GTF2A1L: variants seen among roughly 807,000 people sequenced by gnomAD.
The protein encoded by GTF2A1L is TFIIA-alpha and beta-like factor.
In GTF2A1L, 48 loss-of-function variants were observed where a neutral mutation model predicts 49.7. That is an observed-to-expected ratio of 0.97 (90% CI 0.77 to 1.23). The LOEUF (loss-of-function observed/expected upper bound fraction) is 1.23, where lower values mean the gene tolerates loss of function less well. Ranked by LOEUF, GTF2A1L falls within the 50% of genes most tolerant of loss-of-function variation. The pLI is 0.00. For missense variants in GTF2A1L, 736 were observed against 564.8 expected (o/e 1.30, Z -3.07); for synonymous variants, 246 against 193.5 (o/e 1.27, Z -2.25).
chr2:48,636,363 C>G (rs1463681656), intron 3 of GTF2A1L, among the ~76,000 whole-genome samples: 1 of 152,036 alleles, frequency 6.6e-6, no homozygotes, highest in Non-Finnish European at 1.5e-5. Flanking sequence ...TATAATAATT[C>G]TTAGATTATG....
chr2:48,621,340 C>A (rs1421985734), intron 3 of GTF2A1L, 50 bp downstream of exon 3: 1 of 1,611,794 alleles, frequency 6.2e-7, no homozygotes, highest in African/African-American at 1.3e-5. Flanking sequence ...AGAACAAATT[C>A]TCATTTGGGA....
At chr2:48,621,099 A>G (rs1675971103) in intron 2 of GTF2A1L, 68 bp from the exon 3 acceptor site, 1 of 1,537,944 alleles carries the variant, frequency 6.5e-7, no homozygotes, top group South Asian at 1.3e-5. Flanking sequence ...AAGAAACTGA[A>G]AAAAAGAGAA....
At position 48,671,409 on chromosome 2, in the gene GTF2A1L, G is replaced by T. The variant is rs184032019; in HGVS notation, c.1240-182G>T. Reference sequence around the variant, plus strand: ...AGTAGAGATGGGATTTCACCATGTTGCCCAAGTAAGTCTTGAACTCCTGGC... The same window carrying T: ...AGTAGAGATGGGATTTCACCATGTTTCCCAAGTAAGTCTTGAACTCCTGGC... On this transcript the variant is annotated intron_variant, in intron 7 of 8. Coordinates refer to ENST00000403751, the MANE Select transcript of GTF2A1L (RefSeq NM_006872.5). Among the ~76,000 whole-genome samples the T allele has an allele frequency of 2.0e-3, 303 of 152,080 alleles. 1 individual carries two copies. Among genetic ancestry groups the T allele is most frequent in the Admixed American group, 3.8e-3 (58 of 15,260 alleles).
In GTF2A1L at chr2:48,672,385, A is replaced by G. The variant is rs182324263; in HGVS notation, c.1329+705A>G. 2.0e-5 allele frequency among the ~76,000 whole-genome samples: 3 copies of G among 152,250 alleles called. No individual in the cohort carries two copies. The East Asian group carries it at 5.8e-4, about 29-fold the overall frequency. ...TTAGAATATCCTGAATGCTAGTAGG[A>G]AAAATCTGAACTTGGTCTGAGGGAC... On this transcript the variant is annotated intron_variant, in intron 8 of 8. Transcript: ENST00000403751.
At chr2:48,677,682 A>G (rs1330059848) in intron 8 of GTF2A1L, among the ~76,000 whole-genome samples, 1 of 151,964 alleles carries the variant, frequency 6.6e-6, no homozygotes, top group Non-Finnish European at 1.5e-5. Context: ...AAGGGTAAAA[A>G]CAGGAACTAG....
chr2:48,667,996 C>G (rs2056582), intron 6 of GTF2A1L, among the ~76,000 whole-genome samples: 5,956 of 152,172 alleles, frequency 0.039, 379 homozygotes, highest in African/African-American at 0.14. Context: ...CTGCAAATTC[C>G]CAAGACTTTC....
At chr2:48,660,784 G>A (rs893148962) in intron 6 of GTF2A1L, among the ~76,000 whole-genome samples, 1 of 152,056 alleles carries the variant, frequency 6.6e-6, no homozygotes, top group African/African-American at 2.4e-5. Flanking sequence ...GGGATTGCAG[G>A]TGTGCTCTAC....
intron 3 of GTF2A1L, chr2:48,632,724 T>C (rs1395686451): frequency 6.2e-6 from 1 of 161,708 alleles, no homozygotes; most frequent in African/African-American, 2.4e-5. Context: ...AAAGATATAA[T>C]GGTCGAAATA....
intron 6 of GTF2A1L, among the ~76,000 whole-genome samples, chr2:48,667,667 G>C (rs897786239): frequency 6.6e-6 from 1 of 152,028 alleles, no homozygotes; most frequent in African/African-American, 2.4e-5. Flanking sequence ...TTCCAATGTA[G>C]TAAAAATTAA....
intron 7 of GTF2A1L, among the ~76,000 whole-genome samples, chr2:48,671,362 C>G (rs771287001): frequency 6.6e-6 from 1 of 151,762 alleles, no homozygotes; most frequent in Non-Finnish European, 1.5e-5. Flanking sequence ...GCCACCATGC[C>G]AAGTTAATTT....
In GTF2A1L at chr2:48,628,207, G is replaced by A. The variant is rs1393867431; in HGVS notation, c.247+6917G>A. Among the ~76,000 whole-genome samples the A allele has an allele frequency of 2.1e-5, 3 of 143,746 alleles. 1 individual carries two copies. The highest frequency in any genetic ancestry group is 4.7e-5 in the Non-Finnish European group (3 of 63,770). The allele number at this position is 143,746 out of a possible 152,430, so 94.3% of individuals were successfully genotyped here. A position where few individuals can be genotyped will look rare whatever the true frequency, so the allele number is the denominator to read the frequency against. On this transcript the variant is annotated intron_variant, in intron 3 of 8. Transcript: ENST00000403751. ...AACATGGGAGTGCATGTGTCATTTT[G>A]GTAGAAAGATTTCTTTCTTTTGGAT...
intron 3 of GTF2A1L, among the ~76,000 whole-genome samples, chr2:48,621,912 TAA>T (rs1327687365): frequency 6.6e-6 from 1 of 152,208 alleles, no homozygotes; most frequent in African/African-American, 2.4e-5. Context: ...AGATAAAACT[TAA>T]GAGTTTTCTA....
chr2:48,658,901 AGT>A (rs1678330160), intron 6 of GTF2A1L, among the ~76,000 whole-genome samples: 2 of 152,126 alleles, frequency 1.3e-5, no homozygotes, highest in South Asian at 4.2e-4. Context: ...TAATCTAGCT[AGT>A]GCTTGCTTGT....
At position 48,660,918 on chromosome 2, in the gene GTF2A1L, G is replaced by C. The variant is rs149844530; in HGVS notation, c.979-8804G>C. On this transcript the variant is annotated intron_variant, in intron 6 of 8. Transcript: ENST00000403751. ...GGCCTCTCAGAGTGTTGTGATTACA[G>C]GTGTGAGACACCATGGCCGACCCTC... is the stretch of plus-strand genomic sequence containing the variant. 2.7e-3 allele frequency among the ~76,000 whole-genome samples: 416 copies of C among 152,218 alleles called. 5 individuals are homozygous for C. The highest frequency in any genetic ancestry group is 9.8e-3 in the African/African-American group (405 of 41,532).
intron 3 of GTF2A1L, among the ~76,000 whole-genome samples, chr2:48,633,768 T>A (rs1676720853): frequency 6.6e-6 from 1 of 152,252 alleles, no homozygotes. Flanking sequence ...TATGGCTGTA[T>A]AAGAGTTTTG....
chr2:48,652,560 A>C (rs62137509), intron 6 of GTF2A1L, among the ~76,000 whole-genome samples: 2,863 of 151,352 alleles, frequency 0.019, 40 homozygotes, highest in Middle Eastern at 0.037. Flanking sequence ...GGTTGCAGTG[A>C]GCCAAGATCG....
chr2:48,648,775 A>G (rs1677680491), intron 6 of GTF2A1L, among the ~76,000 whole-genome samples: 1 of 152,118 alleles, frequency 6.6e-6, no homozygotes, highest in African/African-American at 2.4e-5. Context: ...TTTTCATGTA[A>G]CTTGTTTGTT....
chr2:48,620,758 C>T (rs1675942408), intron 1 of GTF2A1L, 93 bp from the exon 2 acceptor site: 1 of 792,924 alleles, frequency 1.3e-6, no homozygotes, highest in Non-Finnish European at 1.6e-6. Context: ...GCCTGGGCAA[C>T]AGAGCATGAC....
chr2:48,653,730 C>G (rs1252129555), intron 6 of GTF2A1L, among the ~76,000 whole-genome samples: 1 of 151,934 alleles, frequency 6.6e-6, no homozygotes, highest in Non-Finnish European at 1.5e-5. Context: ...GTCAGGAGTT[C>G]AAGACCAGCC....
Sources: allele counts gnomAD v4.1 joint callset (sites outside exome capture counted in the v4.1 genomes callset), GRCh38; gene constraint gnomAD v4.1.1; transcripts MANE v1.5; gene names NCBI Gene and HGNC (gene_info 2026-07-23, HGNC 2026-07-21).